The following RRAGD variants were observed in gnomAD, a reference collection of about 807,000 sequenced individuals.
The protein encoded by RRAGD is ras-related GTP-binding protein D.
RRAGD carries 12 observed loss-of-function variants against 35.5 expected under a neutral mutation model. That is an observed-to-expected ratio of 0.34 (90% CI 0.22 to 0.55). The LOEUF is 0.55. Among genes scored for constraint, RRAGD ranks in the 20% least tolerant of loss-of-function variants. The pLI is 0.91. For missense variants in RRAGD, 324 were observed against 490.1 expected (o/e 0.66, Z 3.20); for synonymous variants, 155 against 178.9 (o/e 0.87, Z 1.07).
chr6:89,384,793 G>A (rs1399793811), intron 2 of RRAGD, among the ~76,000 whole-genome samples: 4 of 141,480 alleles, frequency 2.8e-5, no homozygotes, highest in Admixed American at 7.3e-5. Flanking sequence ...CAGCTTAGGC[G>A]ACAGAGCAAG....
intron 1 of RRAGD, among the ~76,000 whole-genome samples, chr6:89,408,836 G>C (rs1286192355): frequency 3.3e-5 from 5 of 152,156 alleles, no homozygotes; most frequent in Admixed American, 2.0e-4. Context: ...AAGATTTAAA[G>C]TCCATGAATC....
At chr6:89,394,580 G>A (rs112915029) in intron 1 of RRAGD, among the ~76,000 whole-genome samples, 3 of 152,258 alleles carry the variant, frequency 2.0e-5, no homozygotes, top group South Asian at 2.1e-4. Flanking sequence ...ACTCAAGGAT[G>A]TAACTCCTGA....
intron 4 of RRAGD, 65 bp downstream of exon 4, chr6:89,379,156 CTTT>C: frequency 1.3e-6 from 1 of 778,530 alleles, no homozygotes; most frequent in South Asian, 1.8e-5. Flanking sequence ...GAAATAAGAT[CTTT>C]TTCACTCTTG....
chr6:89,387,169 G>T, intron 2 of RRAGD, 126 bp downstream of exon 2: 1 of 956,838 alleles, frequency 1.0e-6, no homozygotes, highest in Non-Finnish European at 1.6e-6. Flanking sequence ...AAGTCTGAGA[G>T]CCCTGACCAA....
chr6:89,372,058 A>G (rs1195585250), intron 6 of RRAGD, among the ~76,000 whole-genome samples: 1 of 152,222 alleles, frequency 6.6e-6, no homozygotes, highest in Admixed American at 6.5e-5. Flanking sequence ...GGTGTGGAGC[A>G]AAGTGGAGAC....
intron 6 of RRAGD, among the ~76,000 whole-genome samples, chr6:89,368,488 C>T (rs1410274101): frequency 1.3e-5 from 2 of 152,064 alleles, no homozygotes; most frequent in African/African-American, 2.4e-5. Context: ...ATTTAAAGAA[C>T]GACTGAACTG....
intron 1 of RRAGD, among the ~76,000 whole-genome samples, chr6:89,390,307 T>C (rs1029696479): frequency 1.3e-5 from 2 of 152,158 alleles, no homozygotes; most frequent in Non-Finnish European, 2.9e-5. Context: ...ATATAAAGAA[T>C]GCTTATAATT....
At chr6:89,408,848 A>T (rs1769640426) in intron 1 of RRAGD, among the ~76,000 whole-genome samples, 3 of 152,346 alleles carry the variant, frequency 2.0e-5, no homozygotes, top group Admixed American at 2.0e-4. Context: ...CCATGAATCT[A>T]AAAATAATCA....
chr6:89,401,878 C>A (rs958823601), intron 1 of RRAGD, among the ~76,000 whole-genome samples: 1 of 152,012 alleles, frequency 6.6e-6, no homozygotes, highest in African/African-American at 2.4e-5. Flanking sequence ...TTTTGTTTGT[C>A]TCTCTCACAT....
chr6:89,400,325 A>C (rs989286725), intron 1 of RRAGD, among the ~76,000 whole-genome samples: 1 of 152,204 alleles, frequency 6.6e-6, no homozygotes, highest in East Asian at 1.9e-4. Context: ...CGGCTTGGTG[A>C]AATTTCCCTG....
chr6:89,372,608 A>T, intron 5 of RRAGD, 23 bp from the exon 6 acceptor site: 1 of 1,505,416 alleles, frequency 6.6e-7, no homozygotes, highest in Non-Finnish European at 8.8e-7. Flanking sequence ...AGAAACCAAA[A>T]CATGTGACCA....
At position 89,411,516 on chromosome 6, in the gene RRAGD, G is replaced by A. The variant is rs1046885207; in HGVS notation, c.148+330C>T. On this transcript the variant is annotated intron_variant, in intron 1 of 6. Transcript: ENST00000369415. The surrounding 1 kb of genome is among the most constrained non-coding windows in gnomAD (Gnocchi z 5.6). Reference sequence around the variant, plus strand: ...CCGCGGTCCCCTCCCCTCCCCAACCGCCAGACGCTGCGGAGAGCTTGGGGT... The same window carrying A: ...CCGCGGTCCCCTCCCCTCCCCAACCACCAGACGCTGCGGAGAGCTTGGGGT... 1 of 289,864 alleles carries A rather than the reference G, an allele frequency of 3.4e-6. No homozygotes were observed. The highest frequency in any genetic ancestry group is 6.6e-6 in the Non-Finnish European group (1 of 151,950). The allele number at this position is 289,864 out of a possible 1,614,324, so 18.0% of individuals were successfully genotyped here. A position where few individuals can be genotyped will look rare whatever the true frequency, so the allele number is the denominator to read the frequency against.
At chr6:89,400,587 A>G (rs540437697) in intron 1 of RRAGD, among the ~76,000 whole-genome samples, 223 of 145,786 alleles carry the variant, frequency 1.5e-3, no homozygotes, top group African/African-American at 5.4e-3. Flanking sequence ...GGGTTCAAGG[A>G]CAGGCACTAA....
chr6:89,388,246 G>A (rs913903420), intron 1 of RRAGD, among the ~76,000 whole-genome samples: 1 of 152,136 alleles, frequency 6.6e-6, no homozygotes, highest in East Asian at 1.9e-4. Flanking sequence ...AATTAAAATC[G>A]ATTAAAATTA....
chr6:89,398,074 G>C (rs1769374375), intron 1 of RRAGD, among the ~76,000 whole-genome samples: 1 of 152,130 alleles, frequency 6.6e-6, no homozygotes, highest in Admixed American at 6.6e-5. Flanking sequence ...TTGAACCCAG[G>C]AGGTGGAAGT....
chr6:89,375,248 T>C (rs1465396773), intron 5 of RRAGD, among the ~76,000 whole-genome samples: 1 of 152,198 alleles, frequency 6.6e-6, no homozygotes, highest in Non-Finnish European at 1.5e-5. Flanking sequence ...CTTTAGACTT[T>C]TATGTATTTT....
chr6:89,411,208 A>G lies in RRAGD; in HGVS notation c.148+638T>C, dbSNP rs1562471688. 2 of 152,006 alleles carry G rather than the reference A, an allele frequency of 1.3e-5. No individual in the cohort carries two copies. Among genetic ancestry groups the G allele is most frequent in the African/African-American group, 2.4e-5 (1 of 41,354 alleles). 9.4% of individuals were successfully genotyped at this position (152,006 alleles called of 1,614,324 possible). On this transcript the variant is annotated intron_variant, in intron 1 of 6. Coordinates refer to ENST00000369415, the MANE Select transcript of RRAGD (RefSeq NM_021244.5). The surrounding 1 kb of genome is among the most constrained non-coding windows in gnomAD (Gnocchi z 5.6). ...CTGCCATGTCCAGGTGGTGATACCGAGAGCAGATAAGGTGTCCTGACAACG... is the reference window on the plus strand; with the variant it reads ...CTGCCATGTCCAGGTGGTGATACCGGGAGCAGATAAGGTGTCCTGACAACG...
At chr6:89,408,044 T>C (rs1391264865) in intron 1 of RRAGD, among the ~76,000 whole-genome samples, 1 of 152,210 alleles carries the variant, frequency 6.6e-6, no homozygotes, top group African/African-American at 2.4e-5. Flanking sequence ...GGCACATCAT[T>C]TTAACCTATT....
chr6:89,406,053 G>T (rs886586164), intron 1 of RRAGD, among the ~76,000 whole-genome samples: 3 of 152,148 alleles, frequency 2.0e-5, no homozygotes, highest in Admixed American at 1.3e-4. Flanking sequence ...ATTTTTGAAG[G>T]TGATTCTTTT....
Sources: allele counts gnomAD v4.1 joint callset (sites outside exome capture counted in the v4.1 genomes callset), GRCh38; gene constraint gnomAD v4.1.1; non-coding constraint Gnocchi (gnomAD v3.1); transcripts MANE v1.5; gene names NCBI Gene and HGNC (gene_info 2026-07-23, HGNC 2026-07-21).